PLEKHH2: variants seen among roughly 807,000 people sequenced by gnomAD.
PLEKHH2 encodes the protein pleckstrin homology domain-containing family H member 2.
PLEKHH2 carries 129 observed loss-of-function variants against 187.9 expected under a neutral mutation model. The ratio of observed to expected loss-of-function variants is 0.69; its 90% confidence interval spans 0.59 to 0.79. The LOEUF (loss-of-function observed/expected upper bound fraction) is 0.79. Ranked by LOEUF, PLEKHH2 falls within the 30% of genes least tolerant of loss-of-function variation. PLEKHH2 has a pLI of 0.00. For missense variants in PLEKHH2, 2,076 were observed against 1,751.2 expected (o/e 1.19, Z -3.31); for synonymous variants, 686 against 605.6 (o/e 1.13, Z -1.95).
intron 21 of PLEKHH2, 133 bp downstream of exon 21, chr2:43,741,176 T>C: frequency 1.4e-6 from 1 of 698,244 alleles, no homozygotes. Flanking sequence ...AGGAAGCCTT[T>C]GGTTATCATT....
intron 29 of PLEKHH2, among the ~76,000 whole-genome samples, 186 bp from the exon 30 acceptor site, chr2:43,765,227 G>GA (rs1195988577): frequency 6.6e-6 from 1 of 152,132 alleles, no homozygotes; most frequent in Non-Finnish European, 1.5e-5. Context: ...TTTAAGTAAT[G>GA]AAAAAACGTG....
chr2:43,727,933 T>C (rs113839572), intron 17 of PLEKHH2, among the ~76,000 whole-genome samples: 7 of 152,242 alleles, frequency 4.6e-5, no homozygotes, highest in African/African-American at 1.4e-4. Flanking sequence ...GGCTAATGAA[T>C]GCTTACGCTC....
chr2:43,711,672 A>C, intron 14 of PLEKHH2: 1 of 704,026 alleles, frequency 1.4e-6, no homozygotes, highest in Non-Finnish European at 1.7e-6. Context: ...CAGGCGGATC[A>C]TGAGGTCAGG....
rs1280602459 is a variant in PLEKHH2, at chr2:43,697,201, C to G, written c.533C>G (p.Ser178Cys). ...EVQGKKSSTV[S>C]TLKLSEGQRL... ...CAAGGAAAGAAGTCATCCACTGTCT[C>G]TACACTAAAGCTTTCGGAAGGCCAG... The change falls in exon 7 of 30, where the codon TCT (serine) becomes TGT (cysteine). Residue 178 changes from serine (S) to cysteine (C), a missense_variant. Physicochemically the swap from Ser to Cys is moderately radical, Grantham distance 112. Transcript: ENST00000282406. 1.9e-6 allele frequency: 3 copies of G among 1,608,244 alleles called. No individual in the cohort carries two copies. The highest frequency in any genetic ancestry group is 1.3e-5 in the African/African-American group (1 of 74,618).
chr2:43,704,070 C>T lies in PLEKHH2; in HGVS notation c.1726+14C>T. 6.5e-7 allele frequency: 1 copy of T among 1,545,858 alleles called. No homozygotes were observed. On this transcript the variant is annotated intron_variant, in intron 9 of 29. Coordinates refer to ENST00000282406, the MANE Select transcript of PLEKHH2 (RefSeq NM_172069.4). ...GTGTTAATAAAAGTAAGTGCTTTTT[C>T]ATGCTGCCACCTGGATGAACCTTGA...
Position 43,681,498 on chromosome 2 carries a change from A to C in PLEKHH2, c.186+2573A>C. 2.6e-6 allele frequency: 4 copies of C among 1,544,402 alleles called. No individual in the cohort carries two copies. The Admixed American group carries it at 7.8e-5, about 30-fold the overall frequency. On this transcript the variant is annotated intron_variant, in intron 3 of 29. Transcript: ENST00000282406. ...ATCATCTTCTCTTTCCTGGGCATCAACGTTATCTTTGTGCAGCTGGCCAGA... is the reference window on the plus strand; with the variant it reads ...ATCATCTTCTCTTTCCTGGGCATCACCGTTATCTTTGTGCAGCTGGCCAGA...
intron 19 of PLEKHH2, among the ~76,000 whole-genome samples, chr2:43,734,135 G>A (rs928685030): frequency 6.6e-6 from 1 of 152,034 alleles, no homozygotes; most frequent in Non-Finnish European, 1.5e-5. Context: ...TATGAGTAGA[G>A]AGAATATTAC....
At chr2:43,656,546 G>C (rs1478263789) in intron 2 of PLEKHH2, among the ~76,000 whole-genome samples, 1 of 119,122 alleles carries the variant, frequency 8.4e-6, no homozygotes, top group Non-Finnish European at 1.9e-5. Flanking sequence ...AATAGTCAGA[G>C]GATTATCTTT....
intron 15 of PLEKHH2, among the ~76,000 whole-genome samples, 159 bp downstream of exon 15, chr2:43,712,542 A>G (rs949598613): frequency 5.9e-5 from 9 of 152,262 alleles, no homozygotes; most frequent in South Asian, 2.1e-4. Flanking sequence ...GGCAAAAACT[A>G]TAAAGATGAA....
At chr2:43,697,386 G>A in intron 7 of PLEKHH2, 30 bp downstream of exon 7, 6 of 1,530,942 alleles carry the variant, frequency 3.9e-6, no homozygotes, top group Non-Finnish European at 5.3e-6. Context: ...ATTGACTTTG[G>A]CATTTTTTAA....
chr2:43,755,327 A>T (rs1362731296), intron 25 of PLEKHH2, among the ~76,000 whole-genome samples: 1 of 152,102 alleles, frequency 6.6e-6, no homozygotes, highest in Non-Finnish European at 1.5e-5. Context: ...CTTTTCCACC[A>T]GTCACCACAT....
intron 11 of PLEKHH2, among the ~76,000 whole-genome samples, chr2:43,708,616 G>C (rs1428528677): frequency 6.6e-6 from 1 of 152,156 alleles, no homozygotes; most frequent in East Asian, 1.9e-4. Flanking sequence ...CCTACTGCCT[G>C]TTTGTCAGTG....
chr2:43,689,451 A>G (rs577578044), intron 3 of PLEKHH2, among the ~76,000 whole-genome samples: 11 of 152,364 alleles, frequency 7.2e-5, no homozygotes, highest in African/African-American at 2.6e-4. Flanking sequence ...CTGAGTAGTT[A>G]AAATTCTTAA....
At chr2:43,704,222 C>A in intron 9 of PLEKHH2, among the ~76,000 whole-genome samples, 166 bp downstream of exon 9, 1 of 151,940 alleles carries the variant, frequency 6.6e-6, no homozygotes, top group Admixed American at 6.6e-5. Flanking sequence ...AGTAGAATGG[C>A]GGTTACCAGG....
intron 19 of PLEKHH2, among the ~76,000 whole-genome samples, chr2:43,733,472 C>G (rs1038404871): frequency 7.2e-5 from 11 of 152,084 alleles, no homozygotes; most frequent in African/African-American, 2.4e-4. Flanking sequence ...CTGGACTCTA[C>G]ACCAGGATCT....
In PLEKHH2 at chr2:43,767,800, A is replaced by G. The variant is rs1284627284; in HGVS notation, c.*2202A>G. 1 of 152,792 alleles carries G rather than the reference A, an allele frequency of 6.5e-6. No individual in the cohort carries two copies. Among genetic ancestry groups the G allele is most frequent in the Non-Finnish European group, 1.5e-5 (1 of 68,042 alleles). 9.5% of individuals were successfully genotyped at this position (152,792 alleles called of 1,614,324 possible). On this transcript the variant is annotated 3_prime_UTR_variant, in exon 30 of 30. Transcript: ENST00000282406. ...GAGCAGAGATAAAATATTTTGATGGAAGGAAATCAATTTTCTGTAACTGAT... is the reference window on the plus strand; with the variant it reads ...GAGCAGAGATAAAATATTTTGATGGGAGGAAATCAATTTTCTGTAACTGAT...
At chr2:43,675,824 G>C (rs144971217) in intron 2 of PLEKHH2, 3 of 1,613,968 alleles carry the variant, frequency 1.9e-6, no homozygotes, top group East Asian at 2.2e-5. Context: ...GTGTGGCCCA[G>C]ATAGAAGGGC....
At chr2:43,748,415 G>C (rs34962569) in intron 24 of PLEKHH2, among the ~76,000 whole-genome samples, 2 of 152,216 alleles carry the variant, frequency 1.3e-5, no homozygotes, top group Non-Finnish European at 2.9e-5. Flanking sequence ...CAGCAGGCTA[G>C]AATATTTGGA....
At chr2:43,697,723 ATTACT>A (rs1669157891) in intron 7 of PLEKHH2, among the ~76,000 whole-genome samples, 1 of 152,172 alleles carries the variant, frequency 6.6e-6, no homozygotes, top group African/African-American at 2.4e-5. Context: ...AATATAAAAC[ATTACT>A]TAATATTACA....
Sources: allele counts gnomAD v4.1 joint callset (sites outside exome capture counted in the v4.1 genomes callset), GRCh38; gene constraint gnomAD v4.1.1; transcripts MANE v1.5; gene names NCBI Gene and HGNC (gene_info 2026-07-23, HGNC 2026-07-21).